The following ADAMTS16 variants were observed in gnomAD, a reference collection of about 807,000 sequenced individuals.
ADAMTS16 encodes A disintegrin and metalloproteinase with thrombospondin motifs 16.
In ADAMTS16, 94 loss-of-function variants were observed where a neutral mutation model predicts 145.8. The observed-to-expected ratio is 0.64, with a 90% CI of 0.55 to 0.77. ADAMTS16 has a LOEUF of 0.77. Ranked by LOEUF, ADAMTS16 falls within the 30% of genes least tolerant of loss-of-function variation. The pLI, the probability that ADAMTS16 is intolerant of heterozygous loss-of-function variation, is 0.00. For missense variants in ADAMTS16, 1,585 were observed against 1,591.5 expected, an observed-to-expected ratio of 1.00 and a Z score of 0.07; for synonymous variants, 659 against 604.3, an observed-to-expected ratio of 1.09 and a Z score of -1.33.
At chr5:5,175,722 G>A (rs1197832620) in intron 3 of ADAMTS16, among the ~76,000 whole-genome samples, 1 of 152,150 alleles carries the variant, frequency 6.6e-6, no homozygotes, top group Non-Finnish European at 1.5e-5. Flanking sequence ...GCCCTGGTCT[G>A]GTCTAAATGT....
chr5:5,191,752 T>C lies in ADAMTS16; in HGVS notation c.1275T>C (p.Leu425=). Residue 425 remains leucine (L), a synonymous_variant, in exon 8 of 23, where the codon CTT becomes CTC. Transcript: ENST00000274181. ...RSCTINEDTG[L]GLAFTIAHES... ...GCACGATTAATGAAGATACAGGTCT[T>C]GGACTGGCCTTCACCATTGCCCATG... 3 of 1,613,742 alleles carry C rather than the reference T, an allele frequency of 1.9e-6. No individual in the cohort carries two copies. Among genetic ancestry groups the C allele is most frequent in the Non-Finnish European group, 2.5e-6 (3 of 1,179,726 alleles).
At chr5:5,186,017 G>A (rs1405851424) in intron 4 of ADAMTS16, 35 bp from the exon 5 acceptor site, 20 of 1,572,580 alleles carry the variant, frequency 1.3e-5, no homozygotes, top group Non-Finnish European at 1.7e-5. Flanking sequence ...TGTGTGACTT[G>A]TGCTTCCATT....
chr5:5,149,557 C>G (rs1340573477), intron 3 of ADAMTS16, among the ~76,000 whole-genome samples: 3 of 152,214 alleles, frequency 2.0e-5, no homozygotes, highest in Admixed American at 2.0e-4. Context: ...ATGTAACTCA[C>G]TCTTTAAAGA....
At chr5:5,308,931 CAG>C (rs1740300641) in intron 21 of ADAMTS16, among the ~76,000 whole-genome samples, 1 of 131,828 alleles carries the variant, frequency 7.6e-6, no homozygotes, top group Admixed American at 8.6e-5. Flanking sequence ...GTCTGGGTAA[CAG>C]AGAGAGACTC....
chr5:5,215,827 T>TG (rs1736415450), intron 10 of ADAMTS16, among the ~76,000 whole-genome samples: 2 of 77,614 alleles, frequency 2.6e-5, no homozygotes, highest in African/African-American at 8.2e-5. Context: ...ATATGTGGTA[T>TG]ATATATGTGG....
At chr5:5,184,412 T>C (rs1306079631) in intron 4 of ADAMTS16, among the ~76,000 whole-genome samples, 2 of 152,134 alleles carry the variant, frequency 1.3e-5, no homozygotes, top group Non-Finnish European at 1.5e-5. Context: ...CCCTGTGCCA[T>C]CTGTGCATCG....
chr5:5,226,240 G>A (rs1411630020), intron 11 of ADAMTS16, among the ~76,000 whole-genome samples: 1 of 152,164 alleles, frequency 6.6e-6, no homozygotes, highest in Non-Finnish European at 1.5e-5. Flanking sequence ...AAGGAAAGAG[G>A]TTTATGGACT....
intron 10 of ADAMTS16, among the ~76,000 whole-genome samples, chr5:5,212,272 A>ATC (rs1736294785): frequency 6.8e-6 from 1 of 147,076 alleles, no homozygotes; most frequent in East Asian, 2.1e-4. Context: ...CAGTGGCACG[A>ATC]TCTTGGCTCA....
At chr5:5,167,148 A>T (rs1251223483) in intron 3 of ADAMTS16, among the ~76,000 whole-genome samples, 2 of 152,090 alleles carry the variant, frequency 1.3e-5, no homozygotes, top group African/African-American at 2.4e-5. Context: ...ACTACTGTTG[A>T]TTATCAGTTC....
chr5:5,242,284 GC>G, intron 17 of ADAMTS16, 93 bp downstream of exon 17: 1 of 1,482,488 alleles, frequency 6.7e-7, no homozygotes. Context: ...CTAATGAGCA[GC>G]CCGGGGCTTC....
At chr5:5,286,661 A>C (rs572744479) in intron 18 of ADAMTS16, among the ~76,000 whole-genome samples, 4 of 152,182 alleles carry the variant, frequency 2.6e-5, no homozygotes, top group Non-Finnish European at 4.4e-5. Flanking sequence ...GATGGAGACC[A>C]TCCTGGCTAA....
chr5:5,290,150 T>G (rs1739253112), intron 18 of ADAMTS16, among the ~76,000 whole-genome samples: 1 of 152,152 alleles, frequency 6.6e-6, no homozygotes, highest in Non-Finnish European at 1.5e-5. Context: ...GATAGCAAAA[T>G]CTCCTGAGGT....
At chr5:5,251,724 C>T (rs1737627816) in intron 17 of ADAMTS16, among the ~76,000 whole-genome samples, 1 of 152,226 alleles carries the variant, frequency 6.6e-6, no homozygotes, top group African/African-American at 2.4e-5. Flanking sequence ...AACTGAGATG[C>T]TCTCTGCATC....
At chr5:5,163,380 T>C (rs183077140) in intron 3 of ADAMTS16, among the ~76,000 whole-genome samples, 169 of 152,336 alleles carry the variant, frequency 1.1e-3, no homozygotes, top group African/African-American at 3.8e-3. Context: ...CATCTGAAGA[T>C]TATACAATTT....
chr5:5,298,437 C>G (rs912049570), intron 18 of ADAMTS16, among the ~76,000 whole-genome samples: 1 of 152,142 alleles, frequency 6.6e-6, no homozygotes, highest in South Asian at 2.1e-4. Flanking sequence ...ACTGATGAAG[C>G]GTCCTTTGTC....
In ADAMTS16 at chr5:5,146,410, A is replaced by G. The variant is rs769055460; in HGVS notation, c.456A>G (p.Arg152=). The change falls in exon 3 of 23, where the codon CGA becomes CGG. Residue 152 remains arginine, a synonymous_variant. Transcript: ENST00000274181. ...EDFCFYQGSL[R]SHRNSSVALS... is the part of the protein sequence containing the mutation. ...TCTGTTTCTATCAAGGCTCTTTGCG[A>G]TCACACAGAAACTCCTCAGTGGCCC... 1 of 1,613,268 alleles carries G rather than the reference A, an allele frequency of 6.2e-7. No homozygotes were observed. Among genetic ancestry groups the G allele is most frequent in the South Asian group, 1.1e-5 (1 of 91,072 alleles).
chr5:5,141,918 A>G (rs1376832564), intron 2 of ADAMTS16, among the ~76,000 whole-genome samples: 1 of 152,226 alleles, frequency 6.6e-6, no homozygotes, highest in African/African-American at 2.4e-5. Context: ...GTGAATTTAC[A>G]AGAGAAAGTT....
chr5:5,319,263 T>C lies in ADAMTS16; in HGVS notation c.*125T>C, dbSNP rs940392128. 1.4e-6 allele frequency: 1 copy of C among 737,002 alleles called. No homozygotes were observed. 45.7% of individuals were successfully genotyped at this position (737,002 alleles called of 1,614,324 possible). On this transcript the variant is annotated 3_prime_UTR_variant, in exon 23 of 23. Coordinates refer to ENST00000274181, the MANE Select transcript of ADAMTS16 (RefSeq NM_139056.4). The stretch of plus-strand genomic sequence containing the variant: ...CAAAGCCAAAAGAAGAAAACCGTGT[T>C]AGGCTCTTTGACCAGGAGTGTATGT...
intron 7 of ADAMTS16, among the ~76,000 whole-genome samples, 191 bp downstream of exon 7, chr5:5,190,321 A>T (rs1247320052): frequency 6.6e-6 from 1 of 152,194 alleles, no homozygotes; most frequent in Non-Finnish European, 1.5e-5. Context: ...ATCAAGAGTG[A>T]TTATTGAACA....
Sources: allele counts gnomAD v4.1 joint callset (sites outside exome capture counted in the v4.1 genomes callset), GRCh38; gene constraint gnomAD v4.1.1; transcripts MANE v1.5; gene names NCBI Gene and HGNC (gene_info 2026-07-23, HGNC 2026-07-21).